ARHGAP32: variants seen among roughly 807,000 people sequenced by gnomAD.
ARHGAP32 encodes the protein rho GTPase-activating protein 32.
Under a neutral mutation model 186.5 loss-of-function variants are expected in ARHGAP32, and 51 were observed. The observed-to-expected ratio is 0.27, with a 90% confidence interval of 0.22 to 0.35. The LOEUF (loss-of-function observed/expected upper bound fraction) is 0.35. ARHGAP32 is among the 10% of genes least tolerant of loss of function. The pLI is 1.00. For missense variants in ARHGAP32, 2,186 were observed against 2,623.5 expected (o/e 0.83, Z 3.64); for synonymous variants, 950 against 964.3 (o/e 0.99, Z 0.27).
At chr11:129,044,275 A>G (rs1286455029) in intron 10 of ARHGAP32, among the ~76,000 whole-genome samples, 1 of 152,236 alleles carries the variant, frequency 6.6e-6, no homozygotes, top group Non-Finnish European at 1.5e-5. Context: ...AGTAAAATGC[A>G]TTGATTTGTT....
chr11:129,234,911 G>A (rs2135646674), intron 1 of ARHGAP32, among the ~76,000 whole-genome samples: 1 of 152,188 alleles, frequency 6.6e-6, no homozygotes, highest in South Asian at 2.1e-4. Context: ...CTTTTAAGTA[G>A]GACTTCACTG....
chr11:129,197,356 T>C (rs1004332987), intron 1 of ARHGAP32, among the ~76,000 whole-genome samples: 2 of 152,150 alleles, frequency 1.3e-5, no homozygotes, highest in East Asian at 1.9e-4. Flanking sequence ...AGCAAAACAA[T>C]AGCAAAGCAG....
At chr11:129,196,691 T>C (rs539561416), upstream of ARHGAP32, among the ~76,000 whole-genome samples, 5 of 152,270 alleles carry the variant, frequency 3.3e-5, no homozygotes, top group South Asian at 8.3e-4. Context: ...GGAGCCATCA[T>C]ATTACAGGTG....
chr11:129,147,744 A>C (rs1186490267), intron 2 of ARHGAP32, among the ~76,000 whole-genome samples: 1 of 152,188 alleles, frequency 6.6e-6, no homozygotes, highest in Non-Finnish European at 1.5e-5. Flanking sequence ...CCTTTGAACC[A>C]CTTTTAACAA....
chr11:129,025,877 T>C (rs1045359661), intron 11 of ARHGAP32, among the ~76,000 whole-genome samples: 1 of 148,924 alleles, frequency 6.7e-6, no homozygotes, highest in Non-Finnish European at 1.5e-5. Context: ...TTAAGTAATA[T>C]ATGTTATATT....
intron 5 of ARHGAP32, among the ~76,000 whole-genome samples, chr11:129,122,836 G>A (rs934919218): frequency 1.3e-5 from 2 of 152,088 alleles, no homozygotes; most frequent in African/African-American, 4.8e-5. Context: ...GAAAGACAAT[G>A]TAAAGGGTGG....
intron 12 of ARHGAP32, among the ~76,000 whole-genome samples, chr11:128,993,868 A>T (rs1184496500): frequency 6.6e-6 from 1 of 151,898 alleles, no homozygotes; most frequent in Non-Finnish European, 1.5e-5. Context: ...ATTTTTTAAA[A>T]TTTTTTGTAG....
In ARHGAP32 at chr11:128,967,156, A is replaced by T. The variant is rs1330496751; in HGVS notation, c.*1751T>A. ...CATATCAATGTGTTGTTCTTGAAAC[A>T]TTTTATTTTTTTCTAAATATAAACC... On this transcript the variant is annotated 3_prime_UTR_variant, in exon 23 of 23. Transcript: ENST00000682385. 6.6e-6 allele frequency: 1 copy of T among 152,234 alleles called. No individual in the cohort carries two copies. The highest frequency in any genetic ancestry group is 1.5e-5 in the Non-Finnish European group (1 of 68,042). The allele number at this position is 152,234 out of a possible 1,614,324, so 9.4% of individuals were successfully genotyped here. A position where few individuals can be genotyped will look rare whatever the true frequency, so the allele number is the denominator to read the frequency against.
chr11:129,154,274 T>C (rs1216911328), intron 2 of ARHGAP32, among the ~76,000 whole-genome samples: 2 of 152,170 alleles, frequency 1.3e-5, no homozygotes, highest in Non-Finnish European at 1.5e-5. Context: ...ACGTTTACAT[T>C]GCTGATGGGA....
chr11:129,068,731 T>C (rs1189803239), intron 6 of ARHGAP32, among the ~76,000 whole-genome samples: 6 of 152,112 alleles, frequency 3.9e-5, no homozygotes, highest in Non-Finnish European at 7.4e-5. Context: ...GTTCATTTTC[T>C]CTATTACAAT....
chr11:129,173,717 T>C (rs1293518178), intron 1 of ARHGAP32, among the ~76,000 whole-genome samples: 2 of 152,190 alleles, frequency 1.3e-5, no homozygotes, highest in East Asian at 3.8e-4. Context: ...TAGGTGAAAT[T>C]TAATACCTAT....
In ARHGAP32 at chr11:129,040,997, G is replaced by T; in HGVS notation, c.976C>A (p.Pro326Thr). Residue 326 changes from proline (P) to threonine (T), a missense_variant, in exon 11 of 23, where the codon CCT becomes ACT. Transcript: ENST00000682385. ...GKHGFQVGLF[P>T]GHCVELINQK... ...TTAATTAACTCAACACAGTGTCCAG[G>T]GAAGAGTCCCACCTGATGAAAAGCA... 6.3e-7 allele frequency: 1 copy of T among 1,596,992 alleles called. No homozygotes were observed. The highest frequency in any genetic ancestry group is 2.2e-5 in the East Asian group (1 of 44,478).
At chr11:129,174,321 C>G (rs1943851114) in intron 1 of ARHGAP32, among the ~76,000 whole-genome samples, 1 of 152,202 alleles carries the variant, frequency 6.6e-6, no homozygotes, top group African/African-American at 2.4e-5. Context: ...ATTGCTAGCA[C>G]AGCAGTCTGA....
intron 10 of ARHGAP32, among the ~76,000 whole-genome samples, chr11:129,050,817 A>C (rs989874409): frequency 6.6e-6 from 1 of 152,012 alleles, no homozygotes; most frequent in African/African-American, 2.4e-5. Context: ...CAACAGGCCC[A>C]TGTGTGATGC....
At position 129,041,853 on chromosome 11, in the gene ARHGAP32, T is replaced by C. The variant is rs111526947; in HGVS notation, c.964-844A>G. The stretch of plus-strand genomic sequence containing the variant: ...CAATATTTATAGATGTTTCCTTAGA[T>C]AAAAATATAAATGGGCTGCCATGCA... On this transcript the variant is annotated intron_variant, in intron 10 of 22. Transcript: ENST00000682385. Among the ~76,000 whole-genome samples the C allele has an allele frequency of 2.9e-3, 441 of 152,332 alleles. 1 individual carries two copies. The highest frequency in any genetic ancestry group is 3.6e-3 in the Non-Finnish European group (245 of 68,018).
At chr11:129,059,339 T>C (rs1189557136) in intron 10 of ARHGAP32, among the ~76,000 whole-genome samples, 2 of 152,138 alleles carry the variant, frequency 1.3e-5, no homozygotes, top group African/African-American at 4.8e-5. Context: ...GCATGTAAAG[T>C]ACTGAGCTAT....
chr11:129,228,469 C>T (rs1412570431), intron 1 of ARHGAP32, among the ~76,000 whole-genome samples: 2 of 151,968 alleles, frequency 1.3e-5, no homozygotes, highest in East Asian at 1.9e-4. Flanking sequence ...TAAAAGACAA[C>T]AAAATTAACT....
chr11:129,148,984 G>A (rs563724), intron 2 of ARHGAP32, among the ~76,000 whole-genome samples: 43,518 of 151,954 alleles, frequency 0.29, 6,560 homozygotes, highest in Middle Eastern at 0.4. Flanking sequence ...ACCTAAACCA[G>A]CCCCAACCTG....
At chr11:129,093,349 A>G (rs1941633981) in intron 6 of ARHGAP32, among the ~76,000 whole-genome samples, 1 of 152,114 alleles carries the variant, frequency 6.6e-6, no homozygotes, top group Non-Finnish European at 1.5e-5. Flanking sequence ...AGCCTTAGGA[A>G]CTTTCTAAAA....
Sources: allele counts gnomAD v4.1 joint callset (sites outside exome capture counted in the v4.1 genomes callset), GRCh38; gene constraint gnomAD v4.1.1; transcripts MANE v1.5; gene names NCBI Gene and HGNC (gene_info 2026-07-23, HGNC 2026-07-21).